The following PHLPP1 variants were observed in gnomAD, a reference collection of about 807,000 sequenced individuals.
PHLPP1 encodes the protein PH domain leucine-rich repeat-containing protein phosphatase 1.
A neutral mutation model predicts 117.2 loss-of-function variants in PHLPP1; 42 were observed. The ratio of observed to expected loss-of-function variants is 0.36; its 90% CI spans 0.28 to 0.46. The LOEUF is 0.46. Ranked by LOEUF, PHLPP1 falls within the 20% of genes least tolerant of loss-of-function variation. The probability of loss-of-function intolerance (pLI) is 1.00; values close to 1 mark genes in which losing one functional copy is unlikely to be tolerated. For synonymous variants in PHLPP1, 1,042 were observed against 970.7 expected, an observed-to-expected ratio of 1.07 and a Z score of -1.37; for missense variants, 2,084 against 2,241.9, an observed-to-expected ratio of 0.93 and a Z score of 1.42.
intron 12 of PHLPP1, among the ~76,000 whole-genome samples, chr18:62,948,021 A>T (rs1910349516): frequency 6.6e-6 from 1 of 151,158 alleles, no homozygotes; most frequent in Non-Finnish European, 1.5e-5. Flanking sequence ...GCAAAATTCC[A>T]TCTCAAAAAA....
At chr18:62,958,430 TAAA>T (rs1568174486) in intron 12 of PHLPP1, among the ~76,000 whole-genome samples, 196 bp from the exon 13 acceptor site, 1 of 152,206 alleles carries the variant, frequency 6.6e-6, no homozygotes, top group Non-Finnish European at 1.5e-5. Flanking sequence ...CAAAGAAAAT[TAAA>T]AAATTTTTTT....
intron 1 of PHLPP1, among the ~76,000 whole-genome samples, chr18:62,752,646 ATAG>A (rs768288784): frequency 2.6e-5 from 4 of 152,210 alleles, no homozygotes; most frequent in African/African-American, 4.8e-5. Context: ...CTCTTGGTTA[ATAG>A]TAGTTCTGTA....
chr18:62,729,066 A>G (rs1270707237), intron 1 of PHLPP1, among the ~76,000 whole-genome samples: 1 of 152,200 alleles, frequency 6.6e-6, no homozygotes. Context: ...TAATTCCCAG[A>G]AAAAATGAAG....
At chr18:62,964,921 A>G (rs1166926392) in intron 14 of PHLPP1, among the ~76,000 whole-genome samples, 1 of 152,184 alleles carries the variant, frequency 6.6e-6, no homozygotes, top group Non-Finnish European at 1.5e-5. Context: ...TTTTGGGCAT[A>G]ATTCCCCCTT....
chr18:62,785,974 T>A (rs1397919047), intron 1 of PHLPP1, among the ~76,000 whole-genome samples: 1 of 152,206 alleles, frequency 6.6e-6, no homozygotes, highest in Non-Finnish European at 1.5e-5. Flanking sequence ...TAAATATATC[T>A]CTTATCACCC....
At chr18:62,913,021 G>A (rs1917001244) in intron 8 of PHLPP1, among the ~76,000 whole-genome samples, 1 of 152,142 alleles carries the variant, frequency 6.6e-6, no homozygotes, top group South Asian at 2.1e-4. Flanking sequence ...AGACTGAATT[G>A]GAAACTCTTG....
chr18:62,761,042 T>G lies in PHLPP1; in HGVS notation c.1576+43783T>G, dbSNP rs373036319. 4.6e-5 allele frequency among the ~76,000 whole-genome samples: 7 copies of G among 152,034 alleles called. No individual in the cohort carries two copies. In the South Asian group the frequency reaches 1.0e-3, roughly 23 times the overall value. On this transcript the variant is annotated intron_variant, in intron 1 of 16. Transcript: ENST00000262719. ...ACTGTCCAGCTAGTTTTTTTGTATTTTTTGTAGCGATGGGATTTTGCCATG... is the reference window on the plus strand; with the variant it reads ...ACTGTCCAGCTAGTTTTTTTGTATTGTTTGTAGCGATGGGATTTTGCCATG...
At chr18:62,856,656 A>T (rs756469233) in intron 3 of PHLPP1, among the ~76,000 whole-genome samples, 1 of 152,004 alleles carries the variant, frequency 6.6e-6, no homozygotes, top group Non-Finnish European at 1.5e-5. Context: ...CTGATCTCGA[A>T]CTTCTGGGCT....
chr18:62,905,326 A>G, intron 8 of PHLPP1, 42 bp downstream of exon 8: 1 of 1,064,210 alleles, frequency 9.4e-7, no homozygotes, highest in Non-Finnish European at 1.3e-6. Flanking sequence ...TCTACTAGAA[A>G]ATTATTTAGT....
chr18:62,834,078 A>C lies in PHLPP1; in HGVS notation c.1773+3847A>C, dbSNP rs1914826390. On this transcript the variant is annotated intron_variant, in intron 2 of 16. Transcript: ENST00000262719. Reference sequence around the variant, plus strand: ...ACTTGTCATAACAGTTATTTCTCACATTGTCTGTTGTGGGTCAGTGGGGTT... The same window carrying C: ...ACTTGTCATAACAGTTATTTCTCACCTTGTCTGTTGTGGGTCAGTGGGGTT... 2.6e-5 allele frequency among the ~76,000 whole-genome samples: 4 copies of C among 151,474 alleles called. No individual in the cohort carries two copies. In the South Asian group the frequency reaches 8.3e-4, roughly 32 times the overall value.
intron 12 of PHLPP1, among the ~76,000 whole-genome samples, chr18:62,951,502 A>C (rs1302158582): frequency 6.6e-6 from 1 of 152,160 alleles, no homozygotes; most frequent in Non-Finnish European, 1.5e-5. Context: ...CAGTCCTCAG[A>C]AGAAGTGATC....
In PHLPP1 at chr18:62,972,559, C is replaced by G; in HGVS notation, c.3606C>G (p.Arg1202=). The G allele has an allele frequency of 6.2e-7, 1 of 1,613,526 alleles. No homozygotes were observed. Among genetic ancestry groups the G allele is most frequent in the South Asian group, 1.1e-5 (1 of 91,066 alleles). The part of the protein sequence containing the change: ...ALSVNNFCDN[R]EALYGVFDGD... ...CGGTGAATAACTTCTGTGACAACCG[C>G]GAAGCCCTGTATGGTGTGTTTGACG... The change falls in exon 15 of 17, where the codon CGC becomes CGG. Residue 1202 remains arginine (R), a synonymous_variant. Transcript: ENST00000262719.
At position 62,715,687 on chromosome 18, in the gene PHLPP1, G is replaced by C. The variant is rs1910695339; in HGVS notation, c.4G>C (p.Glu2Gln). MEPAAAATVQRL... is the reference protein window; with the variant it reads MQPAAAATVQRL... ...GGAAACGCGAAGCCCCACTGCAATG[G>C]AGCCCGCCGCCGCGGCCACGGTACA... Residue 2 changes from glutamate (E) to glutamine (Q), a missense_variant, in exon 1 of 17, where the codon GAG becomes CAG. Coordinates refer to ENST00000262719, the MANE Select transcript of PHLPP1 (RefSeq NM_194449.4). 1 of 1,290,730 alleles carries C rather than the reference G, an allele frequency of 7.7e-7. No homozygotes were observed. Among genetic ancestry groups the C allele is most frequent in the Non-Finnish European group, 9.8e-7 (1 of 1,016,762 alleles). 80.0% of individuals were successfully genotyped at this position (1,290,730 alleles called of 1,614,324 possible). A position where few individuals can be genotyped will look rare whatever the true frequency, so the allele number is the denominator to read the frequency against.
chr18:62,755,515 G>A (rs1345467895), intron 1 of PHLPP1, among the ~76,000 whole-genome samples: 2 of 152,162 alleles, frequency 1.3e-5, no homozygotes, highest in Admixed American at 1.3e-4. Context: ...TGAGAGCAAA[G>A]CCTTCATGAA....
chr18:62,886,562 A>G (rs548288434), intron 4 of PHLPP1, among the ~76,000 whole-genome samples: 6 of 152,308 alleles, frequency 3.9e-5, no homozygotes, highest in Admixed American at 1.3e-4. Context: ...GGTGTGAGTC[A>G]TGGCACCAGC....
At chr18:62,836,136 ATAAAT>A (rs1158634569) in intron 2 of PHLPP1, among the ~76,000 whole-genome samples, 1 of 151,796 alleles carries the variant, frequency 6.6e-6, no homozygotes, top group Non-Finnish European at 1.5e-5. Context: ...AAATAAATAA[ATAAAT>A]TAATTAATTA....
At chr18:62,858,604 T>G (rs181455953) in intron 3 of PHLPP1, among the ~76,000 whole-genome samples, 8 of 152,218 alleles carry the variant, frequency 5.3e-5, no homozygotes, top group Non-Finnish European at 8.8e-5. Context: ...TGGATACTTT[T>G]AGCATCAGGA....
At chr18:62,726,422 C>A (rs932779955) in intron 1 of PHLPP1, among the ~76,000 whole-genome samples, 2 of 150,680 alleles carry the variant, frequency 1.3e-5, no homozygotes, top group African/African-American at 4.9e-5. Flanking sequence ...CTTATATTTT[C>A]TTTATCTGTT....
intron 1 of PHLPP1, among the ~76,000 whole-genome samples, chr18:62,719,813 G>A (rs1264976843): frequency 6.6e-6 from 1 of 151,888 alleles, no homozygotes; most frequent in Non-Finnish European, 1.5e-5. Flanking sequence ...CTGTCTTGAG[G>A]GTCTGCTCTC....
Sources: gnomAD v4.1 joint callset for allele counts (sites outside exome capture counted in the v4.1 genomes callset) on GRCh38, gnomAD v4.1.1 for gene constraint, MANE v1.5 for transcripts, NCBI Gene and HGNC (gene_info 2026-07-23, HGNC 2026-07-21) for gene names.